Variants in BCAS3 observed in about 807,000 individuals in gnomAD.
BCAS3 encodes the protein BCAS4/BCAS3 fusion.
BCAS3 carries 53 observed loss-of-function variants against 116.1 expected under a neutral mutation model. The ratio of observed to expected loss-of-function variants is 0.46; its 90% CI spans 0.37 to 0.57. The LOEUF is 0.57. BCAS3 is among the 20% of genes least tolerant of loss of function. The probability of loss-of-function intolerance (pLI) is 0.00; values close to 1 mark genes in which losing one functional copy is unlikely to be tolerated. For missense variants in BCAS3, 917 were observed against 1,165.4 expected, an observed-to-expected ratio of 0.79 and a Z score of 3.10; for synonymous variants, 391 against 408.2, an observed-to-expected ratio of 0.96 and a Z score of 0.51.
At chr17:60,892,755 T>C (rs1451101918) in intron 10 of BCAS3, among the ~76,000 whole-genome samples, 6 of 151,950 alleles carry the variant, frequency 3.9e-5, no homozygotes, top group South Asian at 2.1e-4. Flanking sequence ...ACCCTGTCTC[T>C]ACTAAAAATA....
chr17:60,702,780 G>A (rs2036584319), intron 4 of BCAS3, among the ~76,000 whole-genome samples: 1 of 151,588 alleles, frequency 6.6e-6, no homozygotes, highest in Non-Finnish European at 1.5e-5. Context: ...TTGTAGAGAT[G>A]GGGTTTTGCC....
intron 10 of BCAS3, among the ~76,000 whole-genome samples, chr17:60,895,636 T>A (rs1012409056): frequency 2.0e-5 from 3 of 152,174 alleles, no homozygotes; most frequent in African/African-American, 7.2e-5. Flanking sequence ...CATTGTTAGA[T>A]TGTTAATTTG....
At chr17:60,723,335 C>T (rs935885910) in intron 5 of BCAS3, among the ~76,000 whole-genome samples, 29 of 152,116 alleles carry the variant, frequency 1.9e-4, no homozygotes, top group African/African-American at 6.5e-4. Flanking sequence ...AGCAATTCTT[C>T]TGCCTCAGCC....
intron 22 of BCAS3, among the ~76,000 whole-genome samples, chr17:61,170,542 T>A (rs145338246): frequency 5.3e-5 from 8 of 152,186 alleles, no homozygotes; most frequent in African/African-American, 1.7e-4. Context: ...TCTGCCTGCC[T>A]TGGCCTCCCA....
intron 22 of BCAS3, among the ~76,000 whole-genome samples, chr17:61,345,651 G>A (rs2143284544): frequency 6.6e-6 from 1 of 152,284 alleles, no homozygotes; most frequent in South Asian, 2.1e-4. Context: ...ATCTTGATGG[G>A]TTTGGCAAAG....
chr17:60,952,718 G>T (rs1053267542), intron 14 of BCAS3, among the ~76,000 whole-genome samples: 18 of 152,056 alleles, frequency 1.2e-4, no homozygotes, highest in African/African-American at 3.9e-4. Context: ...TGCCATTCAG[G>T]TACTAGGCCT....
chr17:60,762,082 A>G (rs1180902111), intron 6 of BCAS3, among the ~76,000 whole-genome samples: 1 of 152,042 alleles, frequency 6.6e-6, no homozygotes, highest in Non-Finnish European at 1.5e-5. Flanking sequence ...AACTTGTTTA[A>G]GTTCTTTGTA....
chr17:60,902,151 CACAATT>C (rs1471822270), intron 10 of BCAS3, among the ~76,000 whole-genome samples: 1 of 152,182 alleles, frequency 6.6e-6, no homozygotes, highest in Non-Finnish European at 1.5e-5. Context: ...TTTCCACTGA[CACAATT>C]GAAAATATAA....
intron 7 of BCAS3, chr17:60,811,467 G>C: frequency 1.8e-6 from 1 of 557,770 alleles, no homozygotes; most frequent in East Asian, 4.6e-5. Flanking sequence ...CATTAAGCCA[G>C]CAGAAGCAGT....
intron 22 of BCAS3, among the ~76,000 whole-genome samples, chr17:61,310,553 C>CAAAAA (rs374976012): frequency 1.0e-5 from 1 of 97,166 alleles, no homozygotes; most frequent in Non-Finnish European, 2.5e-5. Flanking sequence ...GACTCTGTCT[C>CAAAAA]AAAAAAAAAA....
chr17:61,187,575 A>C (rs2079853649), intron 22 of BCAS3, among the ~76,000 whole-genome samples: 1 of 152,258 alleles, frequency 6.6e-6, no homozygotes, highest in Admixed American at 6.5e-5. Context: ...AGAAAGCTAG[A>C]TTCCAGAAAA....
intron 22 of BCAS3, among the ~76,000 whole-genome samples, chr17:61,110,256 G>C (rs994816834): frequency 1.3e-5 from 2 of 152,202 alleles, no homozygotes; most frequent in African/African-American, 4.8e-5. Context: ...TGGCCGAATA[G>C]GAACAGCTCC....
At chr17:61,385,668 G>A (rs536285579) in intron 23 of BCAS3, among the ~76,000 whole-genome samples, 4 of 152,326 alleles carry the variant, frequency 2.6e-5, no homozygotes, top group East Asian at 1.9e-4. Flanking sequence ...TGTGTGCCGC[G>A]AAGCCATCCG....
In BCAS3 at chr17:61,302,132, T is replaced by C. The variant is rs1026477555; in HGVS notation, c.2426-66195T>C. ...CAGTCAGCTCATTACCTCCTCCCTG[T>C]CCCACTCTTGCCATGCCAGGAGAAA... is the stretch of plus-strand genomic sequence containing the variant. On this transcript the variant is annotated intron_variant, in intron 22 of 23. Coordinates refer to ENST00000407086, the MANE Select transcript of BCAS3 (RefSeq NM_017679.5). This position sits in a 1 kb window ranked among gnomAD's most constrained non-coding sequence, Gnocchi z 4.4. Among the ~76,000 whole-genome samples, 2 of 152,094 alleles carry C rather than the reference T, an allele frequency of 1.3e-5. No homozygotes were observed. The highest frequency in any genetic ancestry group is 2.9e-5 in the Non-Finnish European group (2 of 68,030).
chr17:61,308,897 T>G (rs565668228), intron 22 of BCAS3, among the ~76,000 whole-genome samples: 10 of 152,346 alleles, frequency 6.6e-5, no homozygotes, highest in African/African-American at 1.9e-4. Flanking sequence ...CAGCTACTTT[T>G]TTATGCACTG....
intron 6 of BCAS3, among the ~76,000 whole-genome samples, chr17:60,792,158 T>G (rs2046827607): frequency 6.6e-6 from 1 of 152,108 alleles, no homozygotes; most frequent in African/African-American, 2.4e-5. Context: ...ATCCCCGTTG[T>G]GGCAATGTTG....
chr17:60,806,205 A>G (rs2048273372), intron 6 of BCAS3, among the ~76,000 whole-genome samples: 1 of 152,046 alleles, frequency 6.6e-6, no homozygotes, highest in African/African-American at 2.4e-5. Flanking sequence ...GCTAGGTTGA[A>G]CAAAGAATGA....
intron 1 of BCAS3, among the ~76,000 whole-genome samples, chr17:60,678,459 G>T (rs778199254): frequency 5.6e-4 from 85 of 152,094 alleles, no homozygotes; most frequent in Non-Finnish European, 1.3e-4. Context: ...TGATATTGCT[G>T]TCAGTCCTCT....
intron 19 of BCAS3, among the ~76,000 whole-genome samples, chr17:61,049,908 A>T (rs796694461): frequency 4.6e-5 from 7 of 151,580 alleles, no homozygotes; most frequent in African/African-American, 1.7e-4. Context: ...AATTTGTTGT[A>T]TTTTTAGTAG....
Sources: gnomAD v4.1 joint callset for allele counts (sites outside exome capture counted in the v4.1 genomes callset) on GRCh38, gnomAD v4.1.1 for gene constraint, Gnocchi (gnomAD v3.1) non-coding constraint, MANE v1.5 for transcripts, NCBI Gene and HGNC (gene_info 2026-07-23, HGNC 2026-07-21) for gene names.